Variants in CUX1 observed in about 807,000 individuals in gnomAD.
The protein encoded by CUX1 is cut like homeobox 1, also known as protein CASP.
Under a neutral mutation model 158.8 loss-of-function variants are expected in CUX1, and 31 were observed. The ratio of observed to expected loss-of-function variants is 0.20; its 90% confidence interval spans 0.15 to 0.26. The LOEUF is 0.26. Ranked by LOEUF, CUX1 falls within the 10% of genes least tolerant of loss-of-function variation. The pLI is 1.00. For missense variants in CUX1, 1,589 were observed against 2,014.6 expected, an observed-to-expected ratio of 0.79 and a Z score of 4.04; for synonymous variants, 879 against 862.1, an observed-to-expected ratio of 1.02 and a Z score of -0.34.
chr7:102,251,987 ACTT>A lies in CUX1; in HGVS notation c.*2949_*2951del, dbSNP rs1801566142. On this transcript the variant is annotated 3_prime_UTR_variant, in exon 24 of 24. Coordinates refer to ENST00000292535, the MANE Select transcript of CUX1 (RefSeq NM_181552.4). ...GTGTTGTTTTCTCTTTTCTGTTTTT[ACTT>A]CTTAGATTTTTAACTAGGTTACTGT... 1.0e-6 allele frequency: 1 copy of A among 985,166 alleles called. No homozygotes were observed. The highest frequency in any genetic ancestry group is 1.2e-6 in the Non-Finnish European group (1 of 829,884). The allele number at this position is 985,166 out of a possible 1,614,324, so 61.0% of individuals were successfully genotyped here. A position where few individuals can be genotyped will look rare whatever the true frequency, so the allele number is the denominator to read the frequency against.
intron 8 of CUX1, among the ~76,000 whole-genome samples, chr7:102,131,224 G>C (rs1270498473): frequency 6.6e-6 from 1 of 151,866 alleles, no homozygotes; most frequent in Admixed American, 6.6e-5. Context: ...ATTTCCGATC[G>C]ATTTTTCCAA....
intron 14 of CUX1, among the ~76,000 whole-genome samples, chr7:102,272,852 CTG>C (rs1791318925): frequency 1.3e-5 from 2 of 152,334 alleles, no homozygotes; most frequent in African/African-American, 4.8e-5. Flanking sequence ...CCAAGCACCT[CTG>C]TTGTCAGCCC....
At position 102,222,811 on chromosome 7, in the gene CUX1, CTT is replaced by C. The variant is rs71123016; in HGVS notation, c.3131-4531_3131-4530del. 2.5e-3 allele frequency among the ~76,000 whole-genome samples: 63 copies of C among 25,514 alleles called. 1 individual carries two copies. In the South Asian group the frequency reaches 0.033, roughly 13 times the overall value. 16.7% of individuals were successfully genotyped at this position (25,514 alleles called of 152,430 possible). ...GGCTGTGTGTCTCGGGGCACCGTATCTTTTTTTTTTTTTTTTTTTTTTTTTTG... is the reference window on the plus strand; with the variant it reads ...GGCTGTGTGTCTCGGGGCACCGTATCTTTTTTTTTTTTTTTTTTTTTTTTG... On this transcript the variant is annotated intron_variant, in intron 20 of 23. Transcript: ENST00000292535.
chr7:102,225,521 G>A (rs1554528352), intron 20 of CUX1, among the ~76,000 whole-genome samples: 1 of 152,174 alleles, frequency 6.6e-6, no homozygotes, highest in Non-Finnish European at 1.5e-5. Flanking sequence ...CTACTATGGT[G>A]CTGATGTTGA....
intron 2 of CUX1, among the ~76,000 whole-genome samples, chr7:101,940,979 T>G (rs376262588): frequency 1.3e-5 from 2 of 152,210 alleles, no homozygotes; most frequent in East Asian, 1.9e-4. Context: ...TGCATTTCTC[T>G]TGTAGTGAAG....
In CUX1 at chr7:101,817,741, G is replaced by T; in HGVS notation, c.30+72G>T. ...GAACCGGGGATGTCGGGGGGTGCCCGGGTCCCGCGGCTTAGAATGCTCTAG... is the reference window on the plus strand; with the variant it reads ...GAACCGGGGATGTCGGGGGGTGCCCTGGTCCCGCGGCTTAGAATGCTCTAG... On this transcript the variant is annotated intron_variant, in intron 1 of 23. Transcript: ENST00000292535. The surrounding 1 kb of genome is among the most constrained non-coding windows in gnomAD (Gnocchi z 4.1). The T allele has an allele frequency of 6.5e-7, 1 of 1,528,434 alleles. No homozygotes were observed. The allele number at this position is 1,528,434 out of a possible 1,614,324, so 94.7% of individuals were successfully genotyped here.
At chr7:102,281,996 T>TA (rs1792108765) in intron 21 of CUX1, 8 of 1,042,286 alleles carry the variant, frequency 7.7e-6, no homozygotes, top group Non-Finnish European at 1.2e-5. Context: ...AGGGGCCTGT[T>TA]ACGGTGGCCT....
chr7:101,849,849 T>G lies in CUX1; in HGVS notation c.30+32180T>G, dbSNP rs564070808. Among the ~76,000 whole-genome samples, 251 of 152,182 alleles carry G rather than the reference T, an allele frequency of 1.6e-3. 2 individuals carry two copies. Among genetic ancestry groups the G allele is most frequent in the Admixed American group, 0.014 (209 of 15,262 alleles). ...CCACAACCTTGCCAGCATCTGTTAC[T>G]TTTTGACTTTTTAATAATAGCTATT... On this transcript the variant is annotated intron_variant, in intron 1 of 23. Transcript: ENST00000292535.
At chr7:102,186,236 G>C (rs1158735282) in intron 11 of CUX1, among the ~76,000 whole-genome samples, 1 of 152,138 alleles carries the variant, frequency 6.6e-6, no homozygotes, top group Non-Finnish European at 1.5e-5. Flanking sequence ...CTCACAGCAG[G>C]GTCACTAGAA....
chr7:101,981,444 C>T (rs1341592751), intron 2 of CUX1, among the ~76,000 whole-genome samples: 8 of 152,132 alleles, frequency 5.3e-5, no homozygotes, highest in Non-Finnish European at 8.8e-5. Flanking sequence ...GCCTGGGCTA[C>T]GTGGAATAGC....
rs570173954 is a variant in CUX1, at chr7:102,187,691, A to G, written c.1018-2122A>G. Reference sequence around the variant, plus strand: ...TTTTTTGTATTTTTTTTTTTTTTTTAGTAGAGACGGGGTTTCACCATGTTA... The same window carrying G: ...TTTTTTGTATTTTTTTTTTTTTTTTGGTAGAGACGGGGTTTCACCATGTTA... On this transcript the variant is annotated intron_variant, in intron 11 of 23. Transcript: ENST00000292535. Among the ~76,000 whole-genome samples, 5 of 137,758 alleles carry G rather than the reference A, an allele frequency of 3.6e-5. No homozygotes were observed. The East Asian group carries it at 1.0e-3, about 28-fold the overall frequency. The allele number at this position is 137,758 out of a possible 152,430, so 90.4% of individuals were successfully genotyped here.
At chr7:102,126,405 G>C (rs148368135) in intron 8 of CUX1, among the ~76,000 whole-genome samples, 1 of 152,102 alleles carries the variant, frequency 6.6e-6, no homozygotes, top group Non-Finnish European at 1.5e-5. Flanking sequence ...AATTCTCAAA[G>C]ATTTTTTTTA....
chr7:102,068,083 T>G (rs1049404184), intron 3 of CUX1, among the ~76,000 whole-genome samples: 3 of 151,612 alleles, frequency 2.0e-5, no homozygotes, highest in African/African-American at 4.8e-5. Context: ...AACCTTGTTT[T>G]TTGTTGTTGT....
chr7:102,176,431 C>A lies in CUX1; in HGVS notation c.829-2038C>A, dbSNP rs1034331084. ...GCTTTCTGTGTTACAGCATGAGCTG[C>A]CCCCAGGATTCGGCTGTCATAGACA... is the stretch of plus-strand genomic sequence containing the variant. On this transcript the variant is annotated intron_variant, in intron 10 of 23. Coordinates refer to ENST00000292535, the MANE Select transcript of CUX1 (RefSeq NM_181552.4). Among the ~76,000 whole-genome samples, 9 of 152,154 alleles carry A rather than the reference C, an allele frequency of 5.9e-5. No homozygotes were observed. The South Asian group carries it at 1.0e-3, about 18-fold the overall frequency.
At chr7:101,989,205 G>T (rs1814757985) in intron 2 of CUX1, among the ~76,000 whole-genome samples, 1 of 152,022 alleles carries the variant, frequency 6.6e-6, no homozygotes, top group Non-Finnish European at 1.5e-5. Flanking sequence ...CGACTCTGTA[G>T]CATGCAGGCC....
At chr7:101,949,366 G>C (rs565966619) in intron 2 of CUX1, among the ~76,000 whole-genome samples, 2 of 152,068 alleles carry the variant, frequency 1.3e-5, no homozygotes, top group South Asian at 2.1e-4. Flanking sequence ...TCCTGACCTC[G>C]TGATCCGCCC....
Position 101,919,624 on chromosome 7 carries a change from C to T in CUX1, c.141+3399C>T, listed in dbSNP as rs187407902. On this transcript the variant is annotated intron_variant, in intron 2 of 23. Coordinates refer to ENST00000292535, the MANE Select transcript of CUX1 (RefSeq NM_181552.4). ...GTGTTGATCTTGATGGAAACGCCCA[C>T]GTCTCTCTTTGTTCTGGGAAAGAAG... Among the ~76,000 whole-genome samples the T allele has an allele frequency of 2.6e-5, 4 of 152,252 alleles. No individual in the cohort carries two copies. In the East Asian group the frequency reaches 5.8e-4, roughly 22 times the overall value.
At chr7:101,858,180 A>G (rs970945712) in intron 1 of CUX1, among the ~76,000 whole-genome samples, 10 of 152,188 alleles carry the variant, frequency 6.6e-5, no homozygotes, top group African/African-American at 1.9e-4. Context: ...AGGGTTTCTT[A>G]CCAGGGAACC....
chr7:102,248,345 G>A lies in CUX1; in HGVS notation c.3888-67G>A, dbSNP rs978445301. The A allele has an allele frequency of 9.1e-6, 13 of 1,422,656 alleles. No homozygotes were observed. The African/African-American group carries it at 1.5e-4, about 16-fold the overall frequency. The allele number at this position is 1,422,656 out of a possible 1,614,324, so 88.1% of individuals were successfully genotyped here. A position where few individuals can be genotyped will look rare whatever the true frequency, so the allele number is the denominator to read the frequency against. On this transcript the variant is annotated intron_variant, in intron 23 of 23. Transcript: ENST00000292535. The surrounding 1 kb of genome is among the most constrained non-coding windows in gnomAD (Gnocchi z 5.8). ...AGCCCCAGAGAGAGGGGTCTGGCTG[G>A]GGTAGCACCAGAGGCCCTTTCCCCA...
Sources: gnomAD v4.1 joint callset for allele counts (sites outside exome capture counted in the v4.1 genomes callset) on GRCh38, gnomAD v4.1.1 for gene constraint, Gnocchi (gnomAD v3.1) non-coding constraint, MANE v1.5 for transcripts, NCBI Gene and HGNC (gene_info 2026-07-23, HGNC 2026-07-21) for gene names.